PPP1R12B: variants seen among roughly 807,000 people sequenced by gnomAD.
PPP1R12B encodes myosin phosphatase target subunit 2.
A neutral mutation model predicts 126.1 loss-of-function variants in PPP1R12B; 76 were observed. The ratio of observed to expected loss-of-function variants is 0.60; its 90% CI spans 0.50 to 0.73. The LOEUF (loss-of-function observed/expected upper bound fraction) is 0.73. PPP1R12B is among the 30% of genes least tolerant of loss of function. The pLI is 0.00. For missense variants in PPP1R12B, 1,052 were observed against 1,205.1 expected, an observed-to-expected ratio of 0.87 and a Z score of 1.88; for synonymous variants, 356 against 434.7, an observed-to-expected ratio of 0.82 and a Z score of 2.25.
At chr1:202,554,919 A>G (rs1572489683) in intron 18 of PPP1R12B, among the ~76,000 whole-genome samples, 1 of 152,092 alleles carries the variant, frequency 6.6e-6, no homozygotes, top group African/African-American at 2.4e-5. Context: ...GGGAATCACA[A>G]GTGTGAGCAC....
chr1:202,401,202 T>A (rs1278707928), intron 1 of PPP1R12B, among the ~76,000 whole-genome samples: 3 of 151,880 alleles, frequency 2.0e-5, no homozygotes, highest in Non-Finnish European at 4.4e-5. Flanking sequence ...TTCTCTTTTT[T>A]TTTTAGAGAC....
intron 19 of PPP1R12B, among the ~76,000 whole-genome samples, chr1:202,559,987 A>G (rs1176447122): frequency 1.3e-5 from 2 of 152,238 alleles, no homozygotes; most frequent in Non-Finnish European, 1.5e-5. Flanking sequence ...AAAGAGACCT[A>G]TGGAACACAA....
intron 12 of PPP1R12B, among the ~76,000 whole-genome samples, chr1:202,444,267 GGCTTTATA>G (rs1488881771): frequency 6.6e-6 from 1 of 152,070 alleles, no homozygotes; most frequent in South Asian, 2.1e-4. Context: ...TTCCAAGGAA[GGCTTTATA>G]GCTTTTTTTG....
chr1:202,413,976 C>T (rs1249316602), intron 1 of PPP1R12B, among the ~76,000 whole-genome samples: 4 of 152,108 alleles, frequency 2.6e-5, no homozygotes, highest in African/African-American at 9.7e-5. Flanking sequence ...GGCTGGAGTG[C>T]AGTGGTGCCA....
intron 18 of PPP1R12B, among the ~76,000 whole-genome samples, chr1:202,543,931 C>T (rs1273622657): frequency 1.3e-5 from 2 of 152,152 alleles, no homozygotes; most frequent in African/African-American, 2.4e-5. Context: ...TTTTGGCTTT[C>T]ATATGAAGTT....
At chr1:202,465,065 A>G (rs1344077146) in intron 13 of PPP1R12B, among the ~76,000 whole-genome samples, 2 of 152,182 alleles carry the variant, frequency 1.3e-5, no homozygotes, top group Non-Finnish European at 2.9e-5. Context: ...AAAACTTACT[A>G]TAAGCCAAGT....
intron 1 of PPP1R12B, among the ~76,000 whole-genome samples, chr1:202,383,972 T>G (rs920691835): frequency 3.3e-5 from 5 of 152,182 alleles, no homozygotes; most frequent in Non-Finnish European, 5.9e-5. Flanking sequence ...ATACATAATG[T>G]TGAAATAAAA....
chr1:202,477,775 C>A (rs943819752), intron 13 of PPP1R12B, among the ~76,000 whole-genome samples: 1 of 152,150 alleles, frequency 6.6e-6, no homozygotes, highest in African/African-American at 2.4e-5. Flanking sequence ...TCTTTGAAGT[C>A]ATGCTTAATT....
At chr1:202,479,754 A>G (rs1677123352) in intron 13 of PPP1R12B, among the ~76,000 whole-genome samples, 1 of 152,238 alleles carries the variant, frequency 6.6e-6, no homozygotes, top group Non-Finnish European at 1.5e-5. Context: ...CAGCAGTGTC[A>G]TCTGAACTAA....
chr1:202,533,620 A>T (rs1365048887), intron 18 of PPP1R12B, among the ~76,000 whole-genome samples: 2 of 152,014 alleles, frequency 1.3e-5, no homozygotes, highest in East Asian at 1.9e-4. Flanking sequence ...CGCCTGGCTG[A>T]CCTTGATATT....
At chr1:202,475,167 C>T (rs1228059141) in intron 13 of PPP1R12B, among the ~76,000 whole-genome samples, 3 of 152,076 alleles carry the variant, frequency 2.0e-5, no homozygotes, top group Non-Finnish European at 4.4e-5. Flanking sequence ...TCTATTGTAC[C>T]ATAGTATTAG....
At chr1:202,455,041 G>A (rs1300052137) in intron 13 of PPP1R12B, among the ~76,000 whole-genome samples, 2 of 152,138 alleles carry the variant, frequency 1.3e-5, no homozygotes, top group African/African-American at 2.4e-5. Context: ...AAGGGAGTGG[G>A]CATTGCAAAC....
At chr1:202,359,416 A>G (rs565936358) in intron 1 of PPP1R12B, among the ~76,000 whole-genome samples, 2 of 151,896 alleles carry the variant, frequency 1.3e-5, no homozygotes, top group Non-Finnish European at 2.9e-5. Flanking sequence ...TACAGTCATG[A>G]GCCACCGTGC....
intron 1 of PPP1R12B, among the ~76,000 whole-genome samples, chr1:202,365,443 A>G (rs1659048724): frequency 3.3e-5 from 5 of 152,212 alleles, no homozygotes; most frequent in Admixed American, 3.3e-4. Flanking sequence ...AAAGAAAAAA[A>G]AAAAGTAATT....
rs1438067401 is a variant in PPP1R12B, at chr1:202,584,652, G to A, written c.*4092G>A. 6.6e-6 allele frequency: 1 copy of A among 152,212 alleles called. No individual in the cohort carries two copies. Among genetic ancestry groups the A allele is most frequent in the African/African-American group, 2.4e-5 (1 of 41,454 alleles). 9.4% of individuals were successfully genotyped at this position (152,212 alleles called of 1,614,324 possible). A position where few individuals can be genotyped will look rare whatever the true frequency, so the allele number is the denominator to read the frequency against. Reference sequence around the variant, plus strand: ...CACTGGTGAGTGTCGGCACCCTTGAGGTGGGCATGGAGTGAGCAGAAGAAG... The same window carrying A: ...CACTGGTGAGTGTCGGCACCCTTGAAGTGGGCATGGAGTGAGCAGAAGAAG... On this transcript the variant is annotated 3_prime_UTR_variant, in exon 24 of 24. Coordinates refer to ENST00000608999, the MANE Select transcript of PPP1R12B (RefSeq NM_002481.4).
At chr1:202,408,883 T>C (rs1667005303) in intron 1 of PPP1R12B, among the ~76,000 whole-genome samples, 2 of 148,292 alleles carry the variant, frequency 1.3e-5, no homozygotes, top group African/African-American at 5.0e-5. Context: ...TTTCATTCTG[T>C]CCCCCAGGCT....
intron 13 of PPP1R12B, among the ~76,000 whole-genome samples, chr1:202,458,873 T>A (rs1206563111): frequency 6.6e-6 from 1 of 152,198 alleles, no homozygotes; most frequent in African/African-American, 2.4e-5. Flanking sequence ...AGCATTGGGA[T>A]AAATGGGGCT....
chr1:202,590,264 C>T lies in PPP1R12B; in HGVS notation c.*9704C>T, dbSNP rs1297371972. 1.3e-5 allele frequency: 2 copies of T among 151,976 alleles called. No individual in the cohort carries two copies. The highest frequency in any genetic ancestry group is 2.9e-5 in the Non-Finnish European group (2 of 68,046). 9.4% of individuals were successfully genotyped at this position (151,976 alleles called of 1,614,324 possible). A position where few individuals can be genotyped will look rare whatever the true frequency, so the allele number is the denominator to read the frequency against. On this transcript the variant is annotated 3_prime_UTR_variant, in exon 24 of 24. Coordinates refer to ENST00000608999, the MANE Select transcript of PPP1R12B (RefSeq NM_002481.4). Reference sequence around the variant, plus strand: ...CTGGAAGGGAATTCAAGAATATAGTCCCCACCACCACCCCGCCCCGCCCAG... The same window carrying T: ...CTGGAAGGGAATTCAAGAATATAGTTCCCACCACCACCCCGCCCCGCCCAG...
At chr1:202,446,243 T>C (rs1384009010) in intron 12 of PPP1R12B, among the ~76,000 whole-genome samples, 2 of 60,238 alleles carry the variant, frequency 3.3e-5, no homozygotes, top group Non-Finnish European at 6.0e-5. Context: ...TCTCTATATA[T>C]ATATATATAT....
Sources: gnomAD v4.1 joint callset for allele counts (sites outside exome capture counted in the v4.1 genomes callset) on GRCh38, gnomAD v4.1.1 for gene constraint, MANE v1.5 for transcripts, NCBI Gene and HGNC (gene_info 2026-07-23, HGNC 2026-07-21) for gene names.